The following PPP1R16B variants were observed in gnomAD, a reference collection of about 807,000 sequenced individuals.
PPP1R16B encodes protein phosphatase 1 regulatory inhibitor subunit 16B.
PPP1R16B carries 14 observed loss-of-function variants against 61.7 expected under a neutral mutation model. The observed-to-expected ratio is 0.23, with a 90% CI of 0.15 to 0.35. The LOEUF (loss-of-function observed/expected upper bound fraction) is 0.35. Ranked by LOEUF, PPP1R16B falls within the 10% of genes least tolerant of loss-of-function variation. The pLI, the probability that PPP1R16B is intolerant of heterozygous loss-of-function variation, is 1.00. For missense variants in PPP1R16B, 547 were observed against 752.5 expected, an observed-to-expected ratio of 0.73 and a Z score of 3.19; for synonymous variants, 266 against 305.3, an observed-to-expected ratio of 0.87 and a Z score of 1.34.
intron 2 of PPP1R16B, among the ~76,000 whole-genome samples, chr20:38,868,633 T>G (rs1383927354): frequency 6.6e-6 from 1 of 152,240 alleles, no homozygotes; most frequent in African/African-American, 2.4e-5. Flanking sequence ...TCCTCCCGCC[T>G]CAGCCTCCCA....
chr20:38,852,620 AGG>A (rs2084976309), intron 2 of PPP1R16B, among the ~76,000 whole-genome samples: 1 of 152,142 alleles, frequency 6.6e-6, no homozygotes, highest in Non-Finnish European at 1.5e-5. Flanking sequence ...GAGGCTTGTC[AGG>A]TGCTCAATGG....
intron 1 of PPP1R16B, among the ~76,000 whole-genome samples, chr20:38,831,798 G>A (rs946481343): frequency 6.6e-6 from 1 of 152,220 alleles, no homozygotes; most frequent in South Asian, 2.1e-4. Context: ...TGTGGACTTC[G>A]ACCAAACTAA....
chr20:38,826,431 G>A (rs141897045), intron 1 of PPP1R16B, among the ~76,000 whole-genome samples: 1,717 of 152,080 alleles, frequency 0.011, 13 homozygotes, highest in Non-Finnish European at 0.016. Flanking sequence ...TCTCCACACT[G>A]CTGTACTTAC....
At chr20:38,860,263 C>T (rs533797700) in intron 2 of PPP1R16B, among the ~76,000 whole-genome samples, 7 of 151,196 alleles carry the variant, frequency 4.6e-5, no homozygotes, top group South Asian at 2.1e-4. Flanking sequence ...CCACCATGCC[C>T]GGCTAATTTT....
At position 38,824,598 on chromosome 20, in the gene PPP1R16B, G is replaced by C. The variant is rs184328767; in HGVS notation, c.-101-11227G>C. On this transcript the variant is annotated intron_variant, in intron 1 of 10. Coordinates refer to ENST00000299824, the MANE Select transcript of PPP1R16B (RefSeq NM_015568.4). ...GAATCTGCTCTCTGCGTTGCCCTCT[G>C]TCTTCCTCTTCTCATTCTTTTGTCC... Among the ~76,000 whole-genome samples, 36 of 152,312 alleles carry C rather than the reference G, an allele frequency of 2.4e-4. No individual in the cohort carries two copies. The East Asian group carries it at 6.0e-3, about 25-fold the overall frequency.
At chr20:38,817,937 G>C (rs528901588) in intron 1 of PPP1R16B, among the ~76,000 whole-genome samples, 1 of 152,120 alleles carries the variant, frequency 6.6e-6, no homozygotes, top group Non-Finnish European at 1.5e-5. Flanking sequence ...CCAGCTGCTC[G>C]GGAGGCTGAG....
At chr20:38,850,757 A>C (rs1053040084) in intron 2 of PPP1R16B, among the ~76,000 whole-genome samples, 1 of 152,170 alleles carries the variant, frequency 6.6e-6, no homozygotes, top group Non-Finnish European at 1.5e-5. Context: ...ACCTGAGGTC[A>C]GGAGTTCGAG....
At chr20:38,812,749 G>A (rs1414083345) in intron 1 of PPP1R16B, among the ~76,000 whole-genome samples, 1 of 152,220 alleles carries the variant, frequency 6.6e-6, no homozygotes, top group African/African-American at 2.4e-5. Context: ...TGAAGGGACT[G>A]TGCTGTTCTT....
intron 1 of PPP1R16B, among the ~76,000 whole-genome samples, chr20:38,821,612 A>G (rs1006112490): frequency 5.3e-5 from 8 of 152,170 alleles, no homozygotes; most frequent in Non-Finnish European, 7.3e-5. Flanking sequence ...AAATAAACAT[A>G]TTAGAACTAT....
In PPP1R16B at chr20:38,840,192, G is replaced by A. The variant is rs570797587; in HGVS notation, c.250+4017G>A. 5.3e-5 allele frequency among the ~76,000 whole-genome samples: 8 copies of A among 152,296 alleles called. No homozygotes were observed. The East Asian group carries it at 9.7e-4, about 18-fold the overall frequency. On this transcript the variant is annotated intron_variant, in intron 2 of 10. Transcript: ENST00000299824. ...CTGCTGCTTTCAGCAGGCTGGGAAC[G>A]GCTGCTTCTTGCTGGTGGAGCTGGT...
At chr20:38,871,442 C>T (rs1397360948) in intron 2 of PPP1R16B, among the ~76,000 whole-genome samples, 2 of 151,934 alleles carry the variant, frequency 1.3e-5, no homozygotes, top group Non-Finnish European at 2.9e-5. Context: ...ATTGTGGACA[C>T]CTGCTTTGTG....
At chr20:38,844,158 G>C (rs1392750180) in intron 2 of PPP1R16B, among the ~76,000 whole-genome samples, 2 of 151,912 alleles carry the variant, frequency 1.3e-5, no homozygotes, top group African/African-American at 2.4e-5. Flanking sequence ...AGAAAATATT[G>C]GTTCACTGAG....
At chr20:38,912,667 G>A (rs891850530) in intron 10 of PPP1R16B, among the ~76,000 whole-genome samples, 23 of 151,540 alleles carry the variant, frequency 1.5e-4, no homozygotes, top group Admixed American at 7.9e-4. Context: ...AGAGTGAGGC[G>A]TGGTCTCTAA....
chr20:38,894,647 C>T (rs899185333), intron 3 of PPP1R16B, among the ~76,000 whole-genome samples: 2 of 152,212 alleles, frequency 1.3e-5, no homozygotes, highest in African/African-American at 4.8e-5. Context: ...TGCTGTGTCC[C>T]CTGCTGGCTT....
intron 2 of PPP1R16B, among the ~76,000 whole-genome samples, chr20:38,873,839 C>T (rs576089346): frequency 6.6e-6 from 1 of 151,878 alleles, no homozygotes; most frequent in South Asian, 2.1e-4. Flanking sequence ...ACCGATTCTC[C>T]TACCTCAGCC....
intron 2 of PPP1R16B, among the ~76,000 whole-genome samples, chr20:38,874,047 G>A (rs2085149345): frequency 6.6e-6 from 1 of 152,096 alleles, no homozygotes; most frequent in South Asian, 2.1e-4. Context: ...CATCTTTTAT[G>A]ACCCAGACTC....
chr20:38,847,723 T>G (rs1234056783), intron 2 of PPP1R16B, among the ~76,000 whole-genome samples: 1 of 152,098 alleles, frequency 6.6e-6, no homozygotes, highest in Non-Finnish European at 1.5e-5. Context: ...TTTATGTTTG[T>G]GTGTGTGAGA....
intron 2 of PPP1R16B, among the ~76,000 whole-genome samples, chr20:38,851,023 A>G (rs1373029055): frequency 6.6e-6 from 1 of 152,008 alleles, no homozygotes; most frequent in Admixed American, 6.6e-5. Context: ...GCCTGGGGCC[A>G]CACCCCCGGA....
rs578195512 is a variant in PPP1R16B, at chr20:38,889,514, G to A, written c.251-81G>A. On this transcript the variant is annotated intron_variant, in intron 2 of 10. Coordinates refer to ENST00000299824, the MANE Select transcript of PPP1R16B (RefSeq NM_015568.4). ...CTACATTCTTCATAGGCCTGGGGGA[G>A]AGCGGGTCTTACCCGGGCCCCTGCA... 7 of 1,220,118 alleles carry A rather than the reference G, an allele frequency of 5.7e-6. No homozygotes were observed. The Admixed American group carries it at 1.2e-4, about 21-fold the overall frequency. The allele number at this position is 1,220,118 out of a possible 1,614,324, so 75.6% of individuals were successfully genotyped here. A position where few individuals can be genotyped will look rare whatever the true frequency, so the allele number is the denominator to read the frequency against.
Sources: gnomAD v4.1 joint callset for allele counts (sites outside exome capture counted in the v4.1 genomes callset) on GRCh38, gnomAD v4.1.1 for gene constraint, MANE v1.5 for transcripts, NCBI Gene and HGNC (gene_info 2026-07-23, HGNC 2026-07-21) for gene names.